ASIC2: variants seen among roughly 807,000 people sequenced by gnomAD.
ASIC2 encodes acid-sensing ion channel 2.
In ASIC2, 25 loss-of-function variants were observed where a neutral mutation model predicts 57.3. That is an observed-to-expected ratio of 0.44 (90% CI 0.32 to 0.61). The LOEUF is 0.61. ASIC2 is among the 20% of genes least tolerant of loss of function. ASIC2 has a pLI of 0.06. For synonymous variants in ASIC2, 319 were observed against 307.5 expected (o/e 1.04, Z -0.39); for missense variants, 641 against 738.1 (o/e 0.87, Z 1.52).
At chr17:33,600,609 C>G (rs1344984596) in intron 1 of ASIC2, among the ~76,000 whole-genome samples, 4 of 152,044 alleles carry the variant, frequency 2.6e-5, no homozygotes, top group Admixed American at 2.6e-4. Context: ...CCATTTATGC[C>G]TGAGGTGGCA....
intron 1 of ASIC2, among the ~76,000 whole-genome samples, chr17:33,198,678 C>A (rs1378710623): frequency 3.9e-5 from 6 of 152,098 alleles, no homozygotes; most frequent in Non-Finnish European, 8.8e-5. Context: ...GCTCTCCACC[C>A]TGGGGAAAAA....
Position 33,486,127 on chromosome 17 carries a change from T to C in ASIC2, c.556-374060A>G, listed in dbSNP as rs544892888. On this transcript the variant is annotated intron_variant, in intron 1 of 9. Coordinates refer to the ASIC2 transcript ENST00000359872. ...TACCTGTCCATTGGCTCCTAGAACG[T>C]CTCTCATCATCTTTGCCCCTCACCT... 8.5e-5 allele frequency among the ~76,000 whole-genome samples: 13 copies of C among 152,288 alleles called. No individual in the cohort carries two copies. The South Asian group carries it at 2.7e-3, about 32-fold the overall frequency.
chr17:33,632,509 C>T (rs898308000), intron 1 of ASIC2, among the ~76,000 whole-genome samples: 2 of 152,114 alleles, frequency 1.3e-5, no homozygotes, highest in African/African-American at 4.8e-5. Context: ...CCACCCCTAC[C>T]CCCAACCCTT....
intron 1 of ASIC2, among the ~76,000 whole-genome samples, chr17:33,407,666 T>TC: frequency 6.6e-6 from 1 of 152,242 alleles, no homozygotes; most frequent in East Asian, 1.9e-4. Context: ...ACAGTCTGAT[T>TC]AGAGAAATAA....
At chr17:33,297,082 C>G (rs954603013), upstream of ASIC2, among the ~76,000 whole-genome samples, 3 of 152,224 alleles carry the variant, frequency 2.0e-5, no homozygotes, top group Non-Finnish European at 2.9e-5. Context: ...TTTGGTATTT[C>G]TTTCACATGG....
In ASIC2 at chr17:33,987,453, A is replaced by G. The variant is rs370876565; in HGVS notation, c.555+168525T>C. ...CCCACACAGCTTCCCCAGATGATCC[A>G]TGCTGGGCAGCTAGGGACTGGCACC... On this transcript the variant is annotated intron_variant, in intron 1 of 9. Transcript: ENST00000359872. Among the ~76,000 whole-genome samples, 160 of 152,332 alleles carry G rather than the reference A, an allele frequency of 1.1e-3. 5 individuals are homozygous for G. The South Asian group carries it at 0.031, about 30-fold the overall frequency.
chr17:33,885,836 T>C (rs1914816493), intron 1 of ASIC2, among the ~76,000 whole-genome samples: 1 of 152,206 alleles, frequency 6.6e-6, no homozygotes, highest in Non-Finnish European at 1.5e-5. Context: ...ATAGACCTGT[T>C]CAGATGAACT....
chr17:33,707,106 A>C (rs1050370593), intron 1 of ASIC2, among the ~76,000 whole-genome samples: 1 of 152,304 alleles, frequency 6.6e-6, no homozygotes, highest in East Asian at 1.9e-4. Context: ...AGCTTCTGAT[A>C]GTGCTATTGA....
chr17:33,842,149 C>T (rs1051579078), intron 1 of ASIC2, among the ~76,000 whole-genome samples: 8 of 152,166 alleles, frequency 5.3e-5, no homozygotes, highest in Admixed American at 3.3e-4. Context: ...TGCAACCACA[C>T]AAACAACATG....
chr17:33,419,426 A>C (rs943316597), intron 1 of ASIC2, among the ~76,000 whole-genome samples: 1 of 152,232 alleles, frequency 6.6e-6, no homozygotes, highest in Admixed American at 6.5e-5. Flanking sequence ...AGTTCTGTGA[A>C]TTTCTGGGAG....
intron 1 of ASIC2, among the ~76,000 whole-genome samples, chr17:33,763,424 C>T (rs919192622): frequency 6.6e-6 from 1 of 152,198 alleles, no homozygotes; most frequent in African/African-American, 2.4e-5. Context: ...AGCCCTTCCT[C>T]ACTAAATTCA....
chr17:33,386,954 G>T (rs1048837380), intron 1 of ASIC2, among the ~76,000 whole-genome samples: 2 of 152,140 alleles, frequency 1.3e-5, no homozygotes, highest in East Asian at 3.9e-4. Flanking sequence ...GTGTGTGTGT[G>T]TGTGTCTGTG....
chr17:33,170,887 C>G (rs1025542319), intron 1 of ASIC2, among the ~76,000 whole-genome samples: 3 of 152,192 alleles, frequency 2.0e-5, no homozygotes, highest in African/African-American at 7.2e-5. Context: ...TTTGCACAGC[C>G]CTGATCAATT....
chr17:33,365,502 T>C (rs1023070605), intron 1 of ASIC2, among the ~76,000 whole-genome samples: 1 of 152,158 alleles, frequency 6.6e-6, no homozygotes, highest in Admixed American at 6.5e-5. Flanking sequence ...TATCAAGTTA[T>C]AGGGAGTTGT....
chr17:33,286,260 A>C (rs939475609), intron 1 of ASIC2, among the ~76,000 whole-genome samples: 14 of 152,160 alleles, frequency 9.2e-5, no homozygotes, highest in Non-Finnish European at 1.8e-4. Context: ...AGTGGTCCAA[A>C]ATCTGAACTC....
intron 1 of ASIC2, among the ~76,000 whole-genome samples, chr17:34,150,780 G>C (rs190287574): frequency 3.9e-5 from 6 of 152,252 alleles, no homozygotes; most frequent in Admixed American, 3.3e-4. Flanking sequence ...GATTTTGAAG[G>C]ATGACTAGGA....
At chr17:33,512,675 C>A (rs1914462348) in intron 1 of ASIC2, among the ~76,000 whole-genome samples, 1 of 152,206 alleles carries the variant, frequency 6.6e-6, no homozygotes, top group Non-Finnish European at 1.5e-5. Context: ...CTTGAAGCTG[C>A]TCCAGGCTGC....
chr17:33,132,850 T>C (rs2092352719), intron 1 of ASIC2, among the ~76,000 whole-genome samples: 1 of 152,218 alleles, frequency 6.6e-6, no homozygotes, highest in South Asian at 2.1e-4. Context: ...GAGTGGGAGA[T>C]AACTTTGTGT....
At chr17:33,189,101 G>C (rs1906314246) in intron 1 of ASIC2, among the ~76,000 whole-genome samples, 1 of 152,136 alleles carries the variant, frequency 6.6e-6, no homozygotes, top group African/African-American at 2.4e-5. Context: ...AAGCCTTAGA[G>C]CTGTAGTTTT....
Sources: gnomAD v4.1 joint callset for allele counts (sites outside exome capture counted in the v4.1 genomes callset) on GRCh38, gnomAD v4.1.1 for gene constraint, MANE v1.5 for transcripts, NCBI Gene and HGNC (gene_info 2026-07-23, HGNC 2026-07-21) for gene names.